The following LRP1B variants were observed in gnomAD, a reference collection of about 807,000 sequenced individuals.
The protein encoded by LRP1B is low-density lipoprotein receptor-related protein 1B.
Under a neutral mutation model 556.6 loss-of-function variants are expected in LRP1B, and 217 were observed. The ratio of observed to expected loss-of-function variants is 0.39; its 90% confidence interval spans 0.35 to 0.44. LRP1B has a LOEUF of 0.44. LRP1B is among the 20% of genes least tolerant of loss of function. The pLI is 1.00. For missense variants in LRP1B, 5,053 were observed against 5,620.8 expected, an observed-to-expected ratio of 0.90 and a Z score of 3.23; for synonymous variants, 2,047 against 1,865.8, an observed-to-expected ratio of 1.10 and a Z score of -2.50.
At chr2:141,608,929 T>A (rs1688013212) in intron 2 of LRP1B, among the ~76,000 whole-genome samples, 1 of 152,186 alleles carries the variant, frequency 6.6e-6, no homozygotes, top group Admixed American at 6.5e-5. Context: ...AATGAATCTA[T>A]TTTAGATTTC....
chr2:140,505,057 A>G (rs1689348710), intron 53 of LRP1B, among the ~76,000 whole-genome samples: 1 of 152,196 alleles, frequency 6.6e-6, no homozygotes, highest in African/African-American at 2.4e-5. Context: ...ATCTTTTTAA[A>G]TGTCCACTTA....
chr2:140,463,435 G>A (rs879524461), intron 60 of LRP1B, among the ~76,000 whole-genome samples: 3 of 152,132 alleles, frequency 2.0e-5, no homozygotes, highest in Admixed American at 2.0e-4. Context: ...AACCTACAAC[G>A]AGCAGCTCTG....
chr2:141,862,448 C>A (rs1698278138), intron 1 of LRP1B, among the ~76,000 whole-genome samples: 1 of 152,088 alleles, frequency 6.6e-6, no homozygotes, highest in Non-Finnish European at 1.5e-5. Flanking sequence ...GCATATTGCC[C>A]AGAGCTGGAG....
intron 4 of LRP1B, among the ~76,000 whole-genome samples, chr2:141,249,532 G>A (rs1239044954): frequency 6.6e-6 from 1 of 152,088 alleles, no homozygotes; most frequent in East Asian, 1.9e-4. Flanking sequence ...AGGAGGTGGA[G>A]GTTGCAGTGA....
At chr2:142,073,035 G>A (rs1705377623) in intron 1 of LRP1B, among the ~76,000 whole-genome samples, 1 of 151,996 alleles carries the variant, frequency 6.6e-6, no homozygotes, top group African/African-American at 2.4e-5. Context: ...GTCAGAAAGT[G>A]TCATTATTTC....
chr2:141,290,190 T>C (rs955681), intron 3 of LRP1B, among the ~76,000 whole-genome samples: 42,017 of 151,998 alleles, frequency 0.28, 6,041 homozygotes, highest in African/African-American at 0.35. Flanking sequence ...AAATCTCCTC[T>C]ATATTTAAAG....
intron 2 of LRP1B, among the ~76,000 whole-genome samples, chr2:141,542,758 G>A (rs939590251): frequency 2.0e-5 from 3 of 152,140 alleles, no homozygotes; most frequent in Non-Finnish European, 4.4e-5. Flanking sequence ...TTTTAAGGTA[G>A]GCAAGTGTGG....
intron 15 of LRP1B, among the ~76,000 whole-genome samples, chr2:140,996,747 G>A (rs1697257934): frequency 6.6e-6 from 1 of 151,876 alleles, no homozygotes; most frequent in South Asian, 2.1e-4. Context: ...CAAGGACATG[G>A]ATAAAGTTGC....
intron 1 of LRP1B, among the ~76,000 whole-genome samples, chr2:142,077,950 C>G (rs1705571007): frequency 6.6e-6 from 1 of 152,128 alleles, no homozygotes. Flanking sequence ...ACTGCTTTGA[C>G]TAACACTTTG....
At chr2:140,949,695 T>C (rs1695649607) in intron 20 of LRP1B, among the ~76,000 whole-genome samples, 1 of 151,720 alleles carries the variant, frequency 6.6e-6, no homozygotes, top group African/African-American at 2.4e-5. Context: ...AATCCCAGCA[T>C]GTTGGAAGGC....
chr2:142,004,031 A>G (rs1702734243), intron 1 of LRP1B, among the ~76,000 whole-genome samples: 1 of 152,214 alleles, frequency 6.6e-6, no homozygotes, highest in African/African-American at 2.4e-5. Context: ...CTGGCATATA[A>G]TAAGGGCTCA....
At chr2:141,998,227 T>C (rs1268200445) in intron 1 of LRP1B, among the ~76,000 whole-genome samples, 3 of 152,152 alleles carry the variant, frequency 2.0e-5, no homozygotes, top group Non-Finnish European at 4.4e-5. Context: ...TAGATTTCTA[T>C]AATTGTATGT....
intron 67 of LRP1B, among the ~76,000 whole-genome samples, chr2:140,379,947 G>T (rs144571199): frequency 6.6e-6 from 1 of 151,804 alleles, no homozygotes; most frequent in Non-Finnish European, 1.5e-5. Flanking sequence ...TTTATATAAG[G>T]TATTCACATA....
At chr2:140,519,717 C>A (rs1010988251) in intron 49 of LRP1B, among the ~76,000 whole-genome samples, 1 of 152,222 alleles carries the variant, frequency 6.6e-6, no homozygotes, top group East Asian at 1.9e-4. Context: ...ACCCATCTGA[C>A]AAAGGGCTAA....
rs147559793 is a variant in LRP1B at position 142,062,113 on chromosome 2, C to T, written c.82+68535G>A. ...TAAACTTTTAACTAGCTCCTTTATA[C>T]ACCAGCTATGACCTTGGGCACACTT... On this transcript the variant is annotated intron_variant, in intron 1 of 90. Coordinates refer to ENST00000389484, the MANE Select transcript of LRP1B (RefSeq NM_018557.3). 7.2e-4 allele frequency among the ~76,000 whole-genome samples: 109 copies of T among 152,058 alleles called. 1 individual carries two copies. In the East Asian group the frequency reaches 0.02, roughly 28 times the overall value.
chr2:141,509,224 A>G (rs949202704), intron 2 of LRP1B, among the ~76,000 whole-genome samples: 2 of 152,206 alleles, frequency 1.3e-5, no homozygotes, highest in African/African-American at 2.4e-5. Context: ...ACAGCCCAAG[A>G]TAAATATAAC....
chr2:141,800,619 C>T (rs1695978309), intron 2 of LRP1B, among the ~76,000 whole-genome samples: 1 of 152,150 alleles, frequency 6.6e-6, no homozygotes, highest in Non-Finnish European at 1.5e-5. Context: ...GGAGATAATC[C>T]ATGTAACCTT....
chr2:140,994,666 A>C (rs1282846360), intron 15 of LRP1B, among the ~76,000 whole-genome samples: 1 of 121,200 alleles, frequency 8.3e-6, no homozygotes, highest in Non-Finnish European at 1.8e-5. Flanking sequence ...TGGATATATT[A>C]ATTAGACTAT....
At chr2:141,065,156 G>T (rs1421117802) in intron 7 of LRP1B, among the ~76,000 whole-genome samples, 1 of 151,714 alleles carries the variant, frequency 6.6e-6, no homozygotes, top group Admixed American at 6.6e-5. Context: ...GCCTATACCC[G>T]TCACCTAGAT....
Sources: gnomAD v4.1 joint callset for allele counts (sites outside exome capture counted in the v4.1 genomes callset) on GRCh38, gnomAD v4.1.1 for gene constraint, MANE v1.5 for transcripts, NCBI Gene and HGNC (gene_info 2026-07-23, HGNC 2026-07-21) for gene names.